Variants in ADK observed in about 807,000 individuals in gnomAD.
ADK encodes N6,N6-dimethyladenosine kinase.
A neutral mutation model predicts 44.7 loss-of-function variants in ADK; 24 were observed. The observed-to-expected ratio is 0.54, with a 90% CI of 0.39 to 0.76. The LOEUF is 0.76. ADK is among the 30% of genes least tolerant of loss of function. The probability of loss-of-function intolerance (pLI) is 0.00; values close to 1 mark genes in which losing one functional copy is unlikely to be tolerated. For missense variants in ADK, 321 were observed against 425.1 expected, an observed-to-expected ratio of 0.76 and a Z score of 2.15; for synonymous variants, 128 against 142.6, an observed-to-expected ratio of 0.90 and a Z score of 0.73.
chr10:74,388,058 G>A (rs147950525), intron 4 of ADK, among the ~76,000 whole-genome samples: 117 of 152,114 alleles, frequency 7.7e-4, no homozygotes, highest in African/African-American at 2.6e-3. Flanking sequence ...ACAGGCATGC[G>A]CCACTATGCC....
At chr10:74,396,663 T>C (rs1468252205) in intron 5 of ADK, among the ~76,000 whole-genome samples, 3 of 152,082 alleles carry the variant, frequency 2.0e-5, no homozygotes, top group Non-Finnish European at 2.9e-5. Context: ...AGAATACTCA[T>C]ATTTTTCTGG....
intron 6 of ADK, among the ~76,000 whole-genome samples, chr10:74,457,958 T>C (rs1846016263): frequency 6.6e-6 from 1 of 152,054 alleles, no homozygotes; most frequent in African/African-American, 2.4e-5. Context: ...ATGGCATGTG[T>C]ATACCTATGT....
intron 3 of ADK, among the ~76,000 whole-genome samples, chr10:74,294,920 A>T (rs1452985482): frequency 6.6e-6 from 1 of 151,724 alleles, no homozygotes; most frequent in East Asian, 2.0e-4. Flanking sequence ...CAGTGATGTG[A>T]TCTCGGCTCA....
At chr10:74,554,343 T>C (rs1362666906) in intron 7 of ADK, among the ~76,000 whole-genome samples, 1 of 152,170 alleles carries the variant, frequency 6.6e-6, no homozygotes, top group Non-Finnish European at 1.5e-5. Flanking sequence ...ATTCTGACTT[T>C]GGGGTTTTCA....
chr10:74,158,016 A>G (rs1310162640), intron 1 of ADK, among the ~76,000 whole-genome samples: 1 of 152,232 alleles, frequency 6.6e-6, no homozygotes, highest in Non-Finnish European at 1.5e-5. Flanking sequence ...ACCAGTTCTC[A>G]GCTTGAAAGG....
intron 3 of ADK, among the ~76,000 whole-genome samples, chr10:74,283,366 TACA>T (rs1384886887): frequency 2.0e-5 from 3 of 151,804 alleles, no homozygotes; most frequent in African/African-American, 7.3e-5. Context: ...ACTCTCTATA[TACA>T]GCCTGAGTGG....
chr10:74,399,115 C>A (rs1190532403), intron 6 of ADK, among the ~76,000 whole-genome samples: 1 of 151,774 alleles, frequency 6.6e-6, no homozygotes, highest in Admixed American at 6.6e-5. Flanking sequence ...ATTAAGTCTT[C>A]TGACACAAAA....
At chr10:74,572,142 C>T (rs1442860136) in intron 7 of ADK, among the ~76,000 whole-genome samples, 23 of 152,064 alleles carry the variant, frequency 1.5e-4, no homozygotes, top group South Asian at 1.2e-3. Flanking sequence ...TGGCTGGTAC[C>T]GGTTGTTCCT....
chr10:74,245,093 T>C (rs1845368102), intron 3 of ADK, among the ~76,000 whole-genome samples: 1 of 152,250 alleles, frequency 6.6e-6, no homozygotes, highest in African/African-American at 2.4e-5. Flanking sequence ...TCAGTGATTT[T>C]ATTGGCATGT....
intron 7 of ADK, chr10:74,527,634 A>T (rs1418497903): frequency 8.7e-6 from 7 of 805,722 alleles, no homozygotes; most frequent in Admixed American, 1.7e-5. Flanking sequence ...CAGGAATCTT[A>T]TGGCCTCTGA....
intron 4 of ADK, among the ~76,000 whole-genome samples, chr10:74,390,382 T>G (rs1843291504): frequency 6.6e-6 from 1 of 152,146 alleles, no homozygotes; most frequent in Admixed American, 6.5e-5. Context: ...AAGGAATGAT[T>G]TAGCTACAGT....
intron 4 of ADK, among the ~76,000 whole-genome samples, chr10:74,317,563 G>GAAAAAAA (rs11310691): frequency 7.6e-6 from 1 of 131,134 alleles, no homozygotes. Flanking sequence ...CTGTCTCTAG[G>GAAAAAAA]AAAAAAAAAA....
rs374344941 is a variant in ADK, at chr10:74,693,052, A to T, written c.965-15269A>T. Among the ~76,000 whole-genome samples, 5 of 152,222 alleles carry T rather than the reference A, an allele frequency of 3.3e-5. No individual in the cohort carries two copies. In the East Asian group the frequency reaches 9.6e-4, roughly 29 times the overall value. ...CACTGAGGATTTTTAGAGCAGCAAA[A>T]CTGTTTTGTGTGATACTTTAATGGT... On this transcript the variant is annotated intron_variant, in intron 10 of 10. Transcript: ENST00000539909.
intron 3 of ADK, among the ~76,000 whole-genome samples, chr10:74,254,303 A>G (rs1483245737): frequency 6.6e-6 from 1 of 152,024 alleles, no homozygotes; most frequent in Non-Finnish European, 1.5e-5. Flanking sequence ...TTTAGTTGTA[A>G]TTTATTTTCT....
At chr10:74,239,310 G>C (rs1048224889) in intron 3 of ADK, among the ~76,000 whole-genome samples, 5 of 152,080 alleles carry the variant, frequency 3.3e-5, no homozygotes, top group African/African-American at 1.2e-4. Flanking sequence ...CAGTCACTCA[G>C]CAAAGGTAAG....
At chr10:74,540,209 GAGAAAATAA>G (rs1849578789) in intron 7 of ADK, among the ~76,000 whole-genome samples, 1 of 152,006 alleles carries the variant, frequency 6.6e-6, no homozygotes, top group South Asian at 2.1e-4. Context: ...TAATTGCAAG[GAGAAAATAA>G]ATACACTCAA....
chr10:74,409,132 ATTTC>A (rs1330533358), intron 6 of ADK, among the ~76,000 whole-genome samples: 4 of 152,104 alleles, frequency 2.6e-5, no homozygotes, highest in Non-Finnish European at 4.4e-5. Context: ...ATTTTTTGTA[ATTTC>A]TTAGTCACCT....
intron 7 of ADK, among the ~76,000 whole-genome samples, chr10:74,586,937 A>AT (rs1486196060): frequency 6.6e-6 from 1 of 151,748 alleles, no homozygotes; most frequent in East Asian, 1.9e-4. Flanking sequence ...ACACACATAA[A>AT]TTTTTTACAG....
At chr10:74,536,573 A>G (rs1849456101) in intron 7 of ADK, among the ~76,000 whole-genome samples, 1 of 151,460 alleles carries the variant, frequency 6.6e-6, no homozygotes, top group Non-Finnish European at 1.5e-5. Flanking sequence ...AATGTTGTAC[A>G]GCCATCACCA....
Sources: gnomAD v4.1 joint callset for allele counts (sites outside exome capture counted in the v4.1 genomes callset) on GRCh38, gnomAD v4.1.1 for gene constraint, MANE v1.5 for transcripts, NCBI Gene and HGNC (gene_info 2026-07-23, HGNC 2026-07-21) for gene names.